The following PCDH9 variants were observed in gnomAD, a reference collection of about 807,000 sequenced individuals.
PCDH9 encodes the protein protocadherin 9.
PCDH9 carries 24 observed loss-of-function variants against 70.6 expected under a neutral mutation model. The observed-to-expected ratio is 0.34, with a 90% CI of 0.25 to 0.48. The LOEUF (loss-of-function observed/expected upper bound fraction) is 0.48, where lower values mean the gene tolerates loss of function less well. PCDH9 is among the 20% of genes least tolerant of loss of function. PCDH9 has a pLI of 0.99. For missense variants in PCDH9, 1,281 were observed against 1,503.6 expected (o/e 0.85, Z 2.45); for synonymous variants, 562 against 558.5 (o/e 1.01, Z -0.09).
chr13:66,527,915 G>A (rs145880709), intron 4 of PCDH9, among the ~76,000 whole-genome samples: 35 of 152,220 alleles, frequency 2.3e-4, no homozygotes, highest in African/African-American at 8.4e-4. Flanking sequence ...CTACTTGGGA[G>A]GCTGAGGCAG....
Position 67,102,380 on chromosome 13 carries a change from G to A in PCDH9, c.3036+123025C>T, listed in dbSNP as rs1036794814. ...AACAGGCAAACTACACCTACAATCCGAGAATATTCTAAACACAGAAAGACA... is the reference window on the plus strand; with the variant it reads ...AACAGGCAAACTACACCTACAATCCAAGAATATTCTAAACACAGAAAGACA... On this transcript the variant is annotated intron_variant, in intron 2 of 4. Coordinates refer to ENST00000377865, the MANE Select transcript of PCDH9 (RefSeq NM_203487.3). Among the ~76,000 whole-genome samples the A allele has an allele frequency of 9.9e-5, 15 of 151,996 alleles. 1 individual carries two copies. The highest frequency in any genetic ancestry group is 6.6e-4 in the Admixed American group (10 of 15,236).
intron 3 of PCDH9, among the ~76,000 whole-genome samples, chr13:66,737,982 G>A (rs1358459667): frequency 1.3e-5 from 2 of 152,152 alleles, no homozygotes; most frequent in Non-Finnish European, 2.9e-5. Context: ...CTCGAACTGG[G>A]TGGAGCCCAC....
In PCDH9 at chr13:66,986,741, A is replaced by G. The variant is rs372239010; in HGVS notation, c.3037-83136T>C. Among the ~76,000 whole-genome samples, 40 of 152,160 alleles carry G rather than the reference A, an allele frequency of 2.6e-4. No homozygotes were observed. In the South Asian group the frequency reaches 7.7e-3, roughly 29 times the overall value. The stretch of plus-strand genomic sequence containing the variant: ...GAGATGTTTAAAAATAGATAGGAAG[A>G]TATTTTCAATTCCACTGTATATTAA... On this transcript the variant is annotated intron_variant, in intron 2 of 4. Coordinates refer to ENST00000377865, the MANE Select transcript of PCDH9 (RefSeq NM_203487.3).
At chr13:66,460,894 G>A (rs991066401) in intron 4 of PCDH9, among the ~76,000 whole-genome samples, 2 of 151,814 alleles carry the variant, frequency 1.3e-5, no homozygotes, top group Non-Finnish European at 2.9e-5. Context: ...CTACCTACAC[G>A]CTGGTTGCTT....
intron 2 of PCDH9, among the ~76,000 whole-genome samples, chr13:66,928,013 C>A (rs2082743824): frequency 6.6e-6 from 1 of 152,016 alleles, no homozygotes; most frequent in Non-Finnish European, 1.5e-5. Context: ...TCTCTCTGCA[C>A]CCCTGCCACA....
intron 4 of PCDH9, among the ~76,000 whole-genome samples, chr13:66,437,880 G>A (rs1478903614): frequency 2.0e-5 from 3 of 152,112 alleles, no homozygotes; most frequent in Non-Finnish European, 4.4e-5. Context: ...GGGAATTCTG[G>A]GATATTGGCA....
At chr13:66,638,814 C>G (rs1290342767) in intron 3 of PCDH9, among the ~76,000 whole-genome samples, 1 of 152,126 alleles carries the variant, frequency 6.6e-6, no homozygotes, top group Non-Finnish European at 1.5e-5. Context: ...GAAAAGTTAC[C>G]TGTCTCCTCC....
At chr13:66,738,710 GCC>G (rs1289023954) in intron 3 of PCDH9, among the ~76,000 whole-genome samples, 1 of 150,400 alleles carries the variant, frequency 6.6e-6, no homozygotes, top group Non-Finnish European at 1.5e-5. Flanking sequence ...AGCCTCAGGA[GCC>G]GATGAGATCA....
At chr13:66,310,111 T>G (rs1955537627) in intron 4 of PCDH9, among the ~76,000 whole-genome samples, 1 of 152,020 alleles carries the variant, frequency 6.6e-6, no homozygotes, top group African/African-American at 2.4e-5. Flanking sequence ...CTGAGTTTGG[T>G]TATCCTTGGG....
At chr13:66,947,826 T>C (rs12876104) in intron 2 of PCDH9, among the ~76,000 whole-genome samples, 28,713 of 152,066 alleles carry the variant, frequency 0.19, 3,092 homozygotes, top group East Asian at 0.54. Context: ...GGCAGGCTAA[T>C]AAGTTTATGC....
intron 2 of PCDH9, among the ~76,000 whole-genome samples, chr13:67,107,711 A>C (rs2086576046): frequency 1.3e-5 from 2 of 152,194 alleles, no homozygotes; most frequent in African/African-American, 4.8e-5. Flanking sequence ...GACAGAACTC[A>C]AGACCTGAAC....
At chr13:66,562,582 T>A (rs564644397) in intron 4 of PCDH9, among the ~76,000 whole-genome samples, 1 of 152,186 alleles carries the variant, frequency 6.6e-6, no homozygotes, top group South Asian at 2.1e-4. Context: ...TATAAAACCA[T>A]CAGATCTTGT....
rs898910434 is a variant in PCDH9 at position 67,012,667 on chromosome 13, C to G, written c.3037-109062G>C. On this transcript the variant is annotated intron_variant, in intron 2 of 4. Coordinates refer to ENST00000377865, the MANE Select transcript of PCDH9 (RefSeq NM_203487.3). ...TCCATTTCATGAACAGAAGAGACAG[C>G]CTCTGACTCATCCAGCTTCTGCCCC... Among the ~76,000 whole-genome samples the G allele has an allele frequency of 4.6e-5, 7 of 152,050 alleles. No homozygotes were observed. The South Asian group carries it at 1.4e-3, about 31-fold the overall frequency.
At chr13:66,870,120 C>T (rs1469777878) in intron 3 of PCDH9, among the ~76,000 whole-genome samples, 2 of 152,116 alleles carry the variant, frequency 1.3e-5, no homozygotes, top group African/African-American at 4.8e-5. Context: ...GGAAGGGATC[C>T]AGTTTCAGCT....
At chr13:66,327,933 A>T (rs1468180448) in intron 4 of PCDH9, among the ~76,000 whole-genome samples, 1 of 152,188 alleles carries the variant, frequency 6.6e-6, no homozygotes, top group Non-Finnish European at 1.5e-5. Context: ...CTCTAAAGCT[A>T]TATTTCTCCA....
chr13:66,680,713 A>G (rs1278452874), intron 3 of PCDH9, among the ~76,000 whole-genome samples: 1 of 151,948 alleles, frequency 6.6e-6, no homozygotes, highest in African/African-American at 2.4e-5. Context: ...ACCAATGAGC[A>G]ATAGTACACA....
At chr13:67,138,613 G>C (rs905677163) in intron 2 of PCDH9, among the ~76,000 whole-genome samples, 3 of 152,240 alleles carry the variant, frequency 2.0e-5, no homozygotes, top group South Asian at 4.2e-4. Flanking sequence ...AATCCTCTAG[G>C]GGGTATTTAA....
At chr13:66,675,176 A>AT (rs1555320241) in intron 3 of PCDH9, among the ~76,000 whole-genome samples, 1 of 152,000 alleles carries the variant, frequency 6.6e-6, no homozygotes, top group Non-Finnish European at 1.5e-5. Context: ...CATTTTGCAA[A>AT]TTTTTTTGAG....
chr13:66,593,802 G>T (rs2077067255), intron 4 of PCDH9, among the ~76,000 whole-genome samples: 7 of 151,692 alleles, frequency 4.6e-5, no homozygotes, highest in Admixed American at 3.9e-4. Flanking sequence ...AAATTGATTT[G>T]TGATTTGTAA....
Sources: gnomAD v4.1 joint callset for allele counts (sites outside exome capture counted in the v4.1 genomes callset) on GRCh38, gnomAD v4.1.1 for gene constraint, MANE v1.5 for transcripts, NCBI Gene and HGNC (gene_info 2026-07-23, HGNC 2026-07-21) for gene names.